Variants in FMN1 observed in about 807,000 individuals in gnomAD.
FMN1 encodes formin-1.
In FMN1, 110 loss-of-function variants were observed where a neutral mutation model predicts 132.4. That is an observed-to-expected ratio of 0.83 (90% CI 0.71 to 0.97). The LOEUF (loss-of-function observed/expected upper bound fraction) is 0.97, where lower values mean the gene tolerates loss of function less well. Among genes scored for constraint, FMN1 ranks in the 50% least tolerant of loss-of-function variants. FMN1 has a pLI of 0.00. For synonymous variants in FMN1, 722 were observed against 651.7 expected (o/e 1.11, Z -1.64); for missense variants, 1,792 against 1,705.3 (o/e 1.05, Z -0.90).
chr15:32,794,248 A>G (rs1167498404), intron 19 of FMN1, among the ~76,000 whole-genome samples: 1 of 152,198 alleles, frequency 6.6e-6, no homozygotes, highest in Admixed American at 6.5e-5. Flanking sequence ...AATTATAGCT[A>G]TGTGTGTAGT....
chr15:32,882,055 AG>A (rs746431436), intron 16 of FMN1, among the ~76,000 whole-genome samples: 6 of 152,202 alleles, frequency 3.9e-5, no homozygotes, highest in Non-Finnish European at 7.3e-5. Context: ...ATTGACAGGC[AG>A]GAGGTGGAAG....
At chr15:33,059,319 A>G (rs1289248016) in intron 6 of FMN1, among the ~76,000 whole-genome samples, 8 of 152,146 alleles carry the variant, frequency 5.3e-5, no homozygotes, top group Admixed American at 5.2e-4. Flanking sequence ...CACTGATTTA[A>G]TGTCTTGGCT....
intron 11 of FMN1, among the ~76,000 whole-genome samples, chr15:32,909,664 G>A (rs2060509967): frequency 6.6e-6 from 1 of 152,174 alleles, no homozygotes; most frequent in African/African-American, 2.4e-5. Context: ...TTAAGAGAAT[G>A]TGGTTCAATC....
chr15:33,064,866 A>T, intron 6 of FMN1, 91 bp downstream of exon 6: 1 of 869,896 alleles, frequency 1.1e-6, no homozygotes, highest in Non-Finnish European at 1.8e-6. Context: ...AATGAAATAA[A>T]ACCCCAAATT....
intron 6 of FMN1, among the ~76,000 whole-genome samples, chr15:33,008,706 T>C (rs577149449): frequency 6.6e-6 from 1 of 152,286 alleles, no homozygotes; most frequent in Admixed American, 6.5e-5. Context: ...GTCCCAAGTG[T>C]ACGTAAGAAC....
intron 6 of FMN1, chr15:33,013,008 A>C: frequency 2.4e-6 from 1 of 419,366 alleles, no homozygotes; most frequent in East Asian, 6.3e-5. Flanking sequence ...ACTTTGCCAA[A>C]CCACAAAACC....
intron 3 of FMN1, among the ~76,000 whole-genome samples, chr15:33,171,325 C>T (rs949439173): frequency 1.3e-5 from 2 of 152,124 alleles, no homozygotes; most frequent in African/African-American, 4.8e-5. Context: ...TTAACAGCAA[C>T]ATATTGTATA....
At chr15:33,089,600 C>G in intron 4 of FMN1, among the ~76,000 whole-genome samples, 1 of 152,234 alleles carries the variant, frequency 6.6e-6, no homozygotes, top group East Asian at 1.9e-4. Flanking sequence ...GTGCCAGACA[C>G]TGTTTTTAGT....
chr15:33,013,088 C>A, intron 6 of FMN1: 2 of 414,180 alleles, frequency 4.8e-6, no homozygotes, highest in Non-Finnish European at 9.5e-6. Context: ...GGAAACAAAG[C>A]TTAGTAGGAG....
intron 5 of FMN1, among the ~76,000 whole-genome samples, chr15:33,077,848 A>C (rs2038283300): frequency 6.6e-6 from 1 of 152,032 alleles, no homozygotes. Flanking sequence ...GACACTTCTC[A>C]AAAGAAGATA....
In FMN1 at chr15:33,153,154, C is replaced by T. The variant is rs753868759; in HGVS notation, c.1761G>A (p.Pro587=). ...GAGGTTGGCCTGCTCTGAGGAAGGCCGGGCTGGCTCCTTTGGTCTCCGTGA... is the reference window on the plus strand; with the variant it reads ...GAGGTTGGCCTGCTCTGAGGAAGGCTGGGCTGGCTCCTTTGGTCTCCGTGA... ...AKVTETKGAS[P]AFLRAGQPRL... The change falls in exon 4 of 21, where the codon CCG becomes CCA. Residue 587 remains proline, a synonymous_variant. Transcript: ENST00000616417. 52 of 1,535,994 alleles carry T rather than the reference C, an allele frequency of 3.4e-5. 1 individual carries two copies. Among genetic ancestry groups the T allele is most frequent in the Admixed American group, 1.8e-4 (9 of 50,984 alleles).
At chr15:33,121,467 G>A (rs1442149123) in intron 4 of FMN1, among the ~76,000 whole-genome samples, 2 of 152,108 alleles carry the variant, frequency 1.3e-5, no homozygotes, top group Non-Finnish European at 1.5e-5. Flanking sequence ...ATGATACAAA[G>A]GTAGAAATCA....
At chr15:33,175,394 G>A (rs936136832) in intron 3 of FMN1, among the ~76,000 whole-genome samples, 2 of 152,084 alleles carry the variant, frequency 1.3e-5, no homozygotes, top group African/African-American at 4.8e-5. Flanking sequence ...TTAAGAGCTA[G>A]GATTTCAATT....
intron 4 of FMN1, among the ~76,000 whole-genome samples, chr15:33,112,440 A>G (rs1451315908): frequency 6.6e-6 from 1 of 152,178 alleles, no homozygotes; most frequent in East Asian, 1.9e-4. Flanking sequence ...AGAAAAGAGG[A>G]ACTGTTATTG....
At chr15:33,149,129 C>T (rs898241456) in intron 4 of FMN1, among the ~76,000 whole-genome samples, 1 of 151,998 alleles carries the variant, frequency 6.6e-6, no homozygotes, top group Non-Finnish European at 1.5e-5. Context: ...TGCCTTTCTC[C>T]AATTTTTCCG....
chr15:33,096,015 A>T (rs909770766), intron 4 of FMN1, among the ~76,000 whole-genome samples: 1 of 151,060 alleles, frequency 6.6e-6, no homozygotes, highest in Non-Finnish European at 1.5e-5. Context: ...AAAAAAAAAG[A>T]AGGCACATTT....
chr15:32,793,344 A>T (rs1037025789), intron 19 of FMN1, among the ~76,000 whole-genome samples: 1 of 151,746 alleles, frequency 6.6e-6, no homozygotes, highest in Non-Finnish European at 1.5e-5. Flanking sequence ...CAGTGGCGCG[A>T]TCTCGGCTCA....
intron 4 of FMN1, among the ~76,000 whole-genome samples, chr15:33,096,603 C>CT (rs959940401): frequency 4.5e-3 from 668 of 147,090 alleles, no homozygotes; most frequent in African/African-American, 0.013. Context: ...AACAAATCTA[C>CT]TTTTTTTTTT....
chr15:32,790,975 G>A (rs545657262), intron 19 of FMN1, among the ~76,000 whole-genome samples: 27 of 152,322 alleles, frequency 1.8e-4, no homozygotes, highest in African/African-American at 6.0e-4. Flanking sequence ...GGAGATTTCA[G>A]AACATTTCTA....
Sources: gnomAD v4.1 joint callset for allele counts (sites outside exome capture counted in the v4.1 genomes callset) on GRCh38, gnomAD v4.1.1 for gene constraint, MANE v1.5 for transcripts, NCBI Gene and HGNC (gene_info 2026-07-23, HGNC 2026-07-21) for gene names.